The following MYCBP2 variants were observed in gnomAD, a reference collection of about 807,000 sequenced individuals.
MYCBP2 encodes the protein E3 ubiquitin-protein ligase MYCBP2.
A neutral mutation model predicts 525.3 loss-of-function variants in MYCBP2; 120 were observed. The ratio of observed to expected loss-of-function variants is 0.23; its 90% CI spans 0.20 to 0.27. The LOEUF is 0.27. MYCBP2 is among the 10% of genes least tolerant of loss of function. The pLI is 1.00. For synonymous variants in MYCBP2, 1,894 were observed against 1,955.8 expected (o/e 0.97, Z 0.83); for missense variants, 4,149 against 5,657.1 (o/e 0.73, Z 8.55).
chr13:77,266,140 C>G (rs2074042855), intron 8 of MYCBP2, among the ~76,000 whole-genome samples: 1 of 152,122 alleles, frequency 6.6e-6, no homozygotes, highest in African/African-American at 2.4e-5. Flanking sequence ...ATCAATAAGT[C>G]ACAGTCTCTA....
At chr13:77,213,874 A>C (rs2064399124) in intron 21 of MYCBP2, among the ~76,000 whole-genome samples, 1 of 152,202 alleles carries the variant, frequency 6.6e-6, no homozygotes, top group Non-Finnish European at 1.5e-5. Context: ...CATGATCTCT[A>C]TGTTTCCTGT....
intron 7 of MYCBP2, 25 bp from the exon 8 acceptor site, chr13:77,267,962 G>T: frequency 6.6e-7 from 1 of 1,516,646 alleles, no homozygotes; most frequent in Non-Finnish European, 9.1e-7. Flanking sequence ...AAATTTTCCT[G>T]TTAAAATATT....
At chr13:77,184,834 C>G (rs2060574087) in intron 32 of MYCBP2, among the ~76,000 whole-genome samples, 1 of 152,192 alleles carries the variant, frequency 6.6e-6, no homozygotes, top group South Asian at 2.1e-4. Context: ...CACTATGGTT[C>G]TTTTCCTCTC....
chr13:77,255,487 T>C (rs1272957683), intron 14 of MYCBP2, among the ~76,000 whole-genome samples: 1 of 151,918 alleles, frequency 6.6e-6, no homozygotes, highest in Non-Finnish European at 1.5e-5. Flanking sequence ...AAGGAAACAA[T>C]GTTGTTTAGT....
chr13:77,202,735 T>C (rs1449128679), intron 26 of MYCBP2, among the ~76,000 whole-genome samples: 2 of 152,108 alleles, frequency 1.3e-5, no homozygotes, highest in Non-Finnish European at 2.9e-5. Flanking sequence ...CAAGGATGGT[T>C]CAATATATGC....
At chr13:77,096,539 C>A in intron 56 of MYCBP2, 58 bp from the exon 57 acceptor site, 1 of 1,539,728 alleles carries the variant, frequency 6.5e-7, no homozygotes, top group South Asian at 1.2e-5. Flanking sequence ...ATAGTTTGAT[C>A]CTTATTACTC....
At chr13:77,267,133 A>G (rs1342778754) in intron 8 of MYCBP2, among the ~76,000 whole-genome samples, 1 of 152,070 alleles carries the variant, frequency 6.6e-6, no homozygotes, top group Non-Finnish European at 1.5e-5. Flanking sequence ...CTCAGAAAGT[A>G]TCAACATTAT....
chr13:77,094,542 G>C (rs1291627345), intron 58 of MYCBP2, among the ~76,000 whole-genome samples: 1 of 152,100 alleles, frequency 6.6e-6, no homozygotes, highest in African/African-American at 2.4e-5. Context: ...GACATTACTT[G>C]GGTGAACCAA....
chr13:77,135,570 T>C (rs1251158415), intron 52 of MYCBP2, among the ~76,000 whole-genome samples: 4 of 152,210 alleles, frequency 2.6e-5, no homozygotes, highest in Non-Finnish European at 2.9e-5. Context: ...TGACTCTGTA[T>C]GAGTCCTCAG....
At chr13:77,199,160 G>A (rs2062121819) in intron 26 of MYCBP2, among the ~76,000 whole-genome samples, 1 of 152,260 alleles carries the variant, frequency 6.6e-6, no homozygotes, top group African/African-American at 2.4e-5. Context: ...GTGCCAGACA[G>A]TGGGAGCAGG....
intron 55 of MYCBP2, among the ~76,000 whole-genome samples, chr13:77,118,036 C>A (rs1166790631): frequency 1.6e-4 from 24 of 152,188 alleles, no homozygotes; most frequent in Admixed American, 1.6e-3. Flanking sequence ...CTTCTACCCA[C>A]TGATAAGAGT....
intron 28 of MYCBP2, among the ~76,000 whole-genome samples, chr13:77,191,398 A>G (rs1306128072): frequency 4.6e-5 from 7 of 152,152 alleles, no homozygotes; most frequent in Admixed American, 4.6e-4. Context: ...ACCTTCCTCT[A>G]TATAATTTCT....
intron 61 of MYCBP2, 39 bp from the exon 62 acceptor site, chr13:77,087,672 A>G: frequency 6.4e-7 from 1 of 1,566,232 alleles, no homozygotes; most frequent in Non-Finnish European, 8.7e-7. Context: ...AGAATAAAAT[A>G]CATGAGTTTA....
At chr13:77,254,778 G>A (rs1368054304) in intron 14 of MYCBP2, among the ~76,000 whole-genome samples, 2 of 151,712 alleles carry the variant, frequency 1.3e-5, no homozygotes, top group African/African-American at 2.4e-5. Context: ...ATCCTTACAA[G>A]TCTCTGGTAA....
Position 77,098,826 on chromosome 13 carries a change from A to G in MYCBP2, c.8328T>C (p.Ala2776=). 1.9e-6 allele frequency: 3 copies of G among 1,613,684 alleles called. No individual in the cohort carries two copies. Among genetic ancestry groups the G allele is most frequent in the Non-Finnish European group, 2.5e-6 (3 of 1,179,768 alleles). ...TGTGGGAATCTGACCTCAACTTTGC[A>G]GCATCAGATTTTAAGATGAGGGATT... ...ASESLILKSD[A]AKLRSDSHSR... Residue 2776 remains alanine (A), a synonymous_variant, in exon 56 of 83, where the codon GCT becomes GCC. Transcript: ENST00000544440.
At chr13:77,196,762 C>T (rs2061797842) in intron 26 of MYCBP2, among the ~76,000 whole-genome samples, 1 of 151,982 alleles carries the variant, frequency 6.6e-6, no homozygotes, top group South Asian at 2.1e-4. Flanking sequence ...AATATGTTAC[C>T]TCCAAAATGC....
At chr13:77,122,106 T>C (rs1437516257) in intron 54 of MYCBP2, among the ~76,000 whole-genome samples, 2 of 151,966 alleles carry the variant, frequency 1.3e-5, no homozygotes, top group Admixed American at 1.3e-4. Context: ...AAGCAGAAAA[T>C]GGCAAATGTT....
chr13:77,288,355 C>T lies in MYCBP2; in HGVS notation c.400G>A (p.Val134Ile), dbSNP rs2154359543. 6.2e-7 allele frequency: 1 copy of T among 1,613,176 alleles called. No individual in the cohort carries two copies. The highest frequency in any genetic ancestry group is 8.5e-7 in the Non-Finnish European group (1 of 1,179,306). ...RSKSENLENT[V>I]IIPDIKLHSN... ...TGTAGTTTGATATCTGGTATGATTA[C>T]TGTATTCTCTAAGTTTTCAGACTGA... The change falls in exon 3 of 83, where the codon GTA becomes ATA. Residue 134 changes from valine to isoleucine, a missense_variant. Physicochemically the swap from Val to Ile is conservative, Grantham distance 29 (BLOSUM62 3). This residue lies in a region of MYCBP2 where 413 missense variants were observed against 451.2 expected (regional missense o/e 0.92). Coordinates refer to ENST00000544440, the MANE Select transcript of MYCBP2 (RefSeq NM_015057.5).
chr13:77,135,984 C>T (rs1376704678), intron 52 of MYCBP2, among the ~76,000 whole-genome samples: 1 of 152,026 alleles, frequency 6.6e-6, no homozygotes, highest in Non-Finnish European at 1.5e-5. Context: ...TATAGGCGTC[C>T]ACCACCACGC....
Sources: allele counts gnomAD v4.1 joint callset (sites outside exome capture counted in the v4.1 genomes callset), GRCh38; gene constraint gnomAD v4.1.1; regional missense constraint gnomAD v4.1.1; transcripts MANE v1.5; gene names NCBI Gene and HGNC (gene_info 2026-07-23, HGNC 2026-07-21).